DYNC2LI1: variants seen among roughly 807,000 people sequenced by gnomAD.
DYNC2LI1 encodes the protein dynein cytoplasmic 2 light intermediate chain 1.
DYNC2LI1 carries 45 observed loss-of-function variants against 51.9 expected under a neutral mutation model. That is an observed-to-expected ratio of 0.87 (90% CI 0.68 to 1.11). The LOEUF (loss-of-function observed/expected upper bound fraction) is 1.11. DYNC2LI1 is among the 50% of genes most tolerant of loss of function. The pLI is 0.00. For missense variants in DYNC2LI1, 490 were observed against 417.4 expected (o/e 1.17, Z -1.51); for synonymous variants, 130 against 137.8 (o/e 0.94, Z 0.40).
At chr2:43,781,956 A>G (rs1673306777) in intron 2 of DYNC2LI1, among the ~76,000 whole-genome samples, 1 of 152,060 alleles carries the variant, frequency 6.6e-6, no homozygotes, top group Non-Finnish European at 1.5e-5. Context: ...TCAGCTAGAA[A>G]TAATCATTAT....
At chr2:43,816,339 A>AG in the DYNC2LI1 span, among the ~76,000 whole-genome samples, 1 of 152,190 alleles carries the variant, frequency 6.6e-6, no homozygotes, top group African/African-American at 2.4e-5. Flanking sequence ...GACAGGAAGT[A>AG]GTGTGTGATA....
chr2:43,797,660 C>T (rs1467688582), intron 8 of DYNC2LI1, among the ~76,000 whole-genome samples: 1 of 151,630 alleles, frequency 6.6e-6, no homozygotes, highest in Admixed American at 6.6e-5. Flanking sequence ...GCTGGGACTA[C>T]AGGCACGTGC....
Position 43,787,249 on chromosome 2 carries a change from C to T in DYNC2LI1, c.230C>T (p.Thr77Ile), listed in dbSNP as rs1558674251. Residue 77 changes from threonine to isoleucine, a missense_variant and splice_region_variant, in exon 4 of 13, where the codon ACA (threonine) becomes ATA (isoleucine). Transcript: ENST00000260605. ...GGAAGAAGAGCAAAAGGGCACAACA[C>T]AGTAAGTGTCTTTTAAAGTGACATT... ...TYGRRAKGHN[T>I]PKDIAHFWEL... 2 of 1,610,940 alleles carry T rather than the reference C, an allele frequency of 1.2e-6. No individual in the cohort carries two copies. The highest frequency in any genetic ancestry group is 1.7e-5 in the Admixed American group (1 of 59,896).
intron 4 of DYNC2LI1, among the ~76,000 whole-genome samples, chr2:43,788,790 C>G (rs1309500726): frequency 6.6e-6 from 1 of 152,126 alleles, no homozygotes; most frequent in Non-Finnish European, 1.5e-5. Context: ...TACCACCACA[C>G]TCAGCTAATT....
At chr2:43,826,425 A>C in the DYNC2LI1 span, 1 of 1,614,126 alleles carries the variant, frequency 6.2e-7, no homozygotes. Flanking sequence ...GAGAACCACA[A>C]TTCGGTTCCT....
chr2:43,794,190 C>T (rs528911295), intron 5 of DYNC2LI1: 2 of 308,278 alleles, frequency 6.5e-6, no homozygotes, highest in East Asian at 1.1e-4. Flanking sequence ...CTTGGAGCTT[C>T]TCTATTTGAA....
At position 43,783,500 on chromosome 2, in the gene DYNC2LI1, CCTT is replaced by C. The variant is rs776290400; in HGVS notation, c.127-16_127-14del. On this transcript the variant is annotated splice_polypyrimidine_tract_variant and intron_variant, in intron 2 of 12. Transcript: ENST00000260605. ...ATATGAGTGACATTAACGCAGTGTT[CCTT>C]CTTTTTTAATTTCCAGGGAAAGACT... is the stretch of plus-strand genomic sequence containing the variant. The C allele has an allele frequency of 6.6e-7, 1 of 1,523,164 alleles. No individual in the cohort carries two copies. Among genetic ancestry groups the C allele is most frequent in the South Asian group, 1.3e-5 (1 of 77,318 alleles). 94.4% of individuals were successfully genotyped at this position (1,523,164 alleles called of 1,614,324 possible).
chr2:43,806,281 A>G (rs1435716912), intron 12 of DYNC2LI1, among the ~76,000 whole-genome samples: 1 of 152,228 alleles, frequency 6.6e-6, no homozygotes, highest in East Asian at 1.9e-4. Context: ...AAACTTATAT[A>G]TGCTAAGCAC....
At chr2:43,822,640 A>T in the DYNC2LI1 span, 2 of 983,026 alleles carry the variant, frequency 2.0e-6, no homozygotes, top group Non-Finnish European at 1.2e-6. Flanking sequence ...CAATAAAATT[A>T]ATGTCCTGGA....
intron 4 of DYNC2LI1, 145 bp downstream of exon 4, chr2:43,787,395 G>T (rs934381207): frequency 3.2e-6 from 2 of 628,444 alleles, no homozygotes; most frequent in Non-Finnish European, 5.3e-6. Context: ...AACTTCAAAT[G>T]CAGTGTGGCA....
chr2:43,796,650 A>T, intron 7 of DYNC2LI1, 68 bp from the exon 8 acceptor site: 1 of 1,137,954 alleles, frequency 8.8e-7, no homozygotes, highest in Non-Finnish European at 1.3e-6. Context: ...TTCTACATTT[A>T]ATAATTTGAA....
At chr2:43,828,171 T>A in the DYNC2LI1 span, 27 of 1,611,458 alleles carry the variant, frequency 1.7e-5, no homozygotes, top group Non-Finnish European at 2.3e-5. Context: ...GCTATTTCAA[T>A]TCATGGGCTG....
At chr2:43,789,949 A>G (rs1558678284) in intron 5 of DYNC2LI1, among the ~76,000 whole-genome samples, 1 of 152,226 alleles carries the variant, frequency 6.6e-6, no homozygotes, top group Non-Finnish European at 1.5e-5. Context: ...CCCCAGTAAC[A>G]TATTTTGCAA....
At chr2:43,807,398 C>T (rs779095669) in intron 12 of DYNC2LI1, among the ~76,000 whole-genome samples, 4 of 152,070 alleles carry the variant, frequency 2.6e-5, no homozygotes, top group Non-Finnish European at 4.4e-5. Flanking sequence ...TAAGGGAATG[C>T]GAATGTGGAA....
At chr2:43,814,726 TA>T (rs1463042973), downstream of DYNC2LI1, 5 of 595,066 alleles carry the variant, frequency 8.4e-6, no homozygotes, top group African/African-American at 3.7e-5. Context: ...ATGCTCACTA[TA>T]AAAAAACCTT....
intron 12 of DYNC2LI1, among the ~76,000 whole-genome samples, chr2:43,806,923 A>G (rs1412852164): frequency 1.3e-5 from 2 of 152,076 alleles, no homozygotes; most frequent in East Asian, 1.9e-4. Flanking sequence ...CTGAAAAGTT[A>G]TGCTGTCCTA....
intron 1 of DYNC2LI1, chr2:43,775,854 A>AT (rs57868887): frequency 0.31 from 15,494 of 50,154 alleles, 4,348 homozygotes; most frequent in East Asian, 0.67. Context: ...CACCTGGCCA[A>AT]TTTTTTTTTT....
chr2:43,804,739 G>T lies in DYNC2LI1; in HGVS notation c.900G>T (p.Lys300Asn), dbSNP rs201579133. ...KKVYEKLFPP[K>N]SINTLKDIKD... ...TGTATGAAAAGCTCTTTCCACCAAA[G>T]GTACATATTTCTAATTTTTTTAAAA... Residue 300 changes from lysine (K) to asparagine (N), a missense_variant and splice_region_variant, in exon 11 of 13, where the codon AAG becomes AAT. By Grantham distance (94) the Lys-to-Asn change is moderately conservative. Transcript: ENST00000260605. 3 of 1,589,274 alleles carry T rather than the reference G, an allele frequency of 1.9e-6. No individual in the cohort carries two copies.
In DYNC2LI1 at chr2:43,774,070, C is replaced by A; in HGVS notation, c.-69C>A. 1 of 1,603,832 alleles carries A rather than the reference C, an allele frequency of 6.2e-7. No individual in the cohort carries two copies. The highest frequency in any genetic ancestry group is 8.5e-7 in the Non-Finnish European group (1 of 1,175,080). ...CCTCACTCCCAGACTCCTTGCGGAG[C>A]TCGCCGCCTGATTCTAGGCTGGTCA... On this transcript the variant is annotated 5_prime_UTR_variant, in exon 1 of 13. Transcript: ENST00000260605.
Sources: gnomAD v4.1 joint callset for allele counts (sites outside exome capture counted in the v4.1 genomes callset) on GRCh38, gnomAD v4.1.1 for gene constraint, MANE v1.5 for transcripts, NCBI Gene and HGNC (gene_info 2026-07-23, HGNC 2026-07-21) for gene names.